The following ERP44 variants were observed in gnomAD, a reference collection of about 807,000 sequenced individuals.
ERP44 encodes the protein endoplasmic reticulum protein 44.
A neutral mutation model predicts 53.4 loss-of-function variants in ERP44; 25 were observed. The observed-to-expected ratio is 0.47, with a 90% CI of 0.34 to 0.65. The LOEUF is 0.65. ERP44 is among the 30% of genes least tolerant of loss of function. ERP44 has a pLI of 0.01. For synonymous variants in ERP44, 145 were observed against 161.2 expected (o/e 0.90, Z 0.76); for missense variants, 338 against 493.2 (o/e 0.69, Z 2.98).
chr9:100,089,390 A>G (rs1826523112), intron 1 of ERP44, among the ~76,000 whole-genome samples: 1 of 152,060 alleles, frequency 6.6e-6, no homozygotes, highest in Non-Finnish European at 1.5e-5. Flanking sequence ...AGACCAGCCA[A>G]GCCAGCATGG....
chr9:100,037,753 C>T (rs1235889678), intron 4 of ERP44, among the ~76,000 whole-genome samples: 1 of 152,076 alleles, frequency 6.6e-6, no homozygotes, highest in African/African-American at 2.4e-5. Flanking sequence ...TGGAAGGGAA[C>T]CTGCTGCTTT....
chr9:100,064,759 T>C (rs1564101349), intron 1 of ERP44, among the ~76,000 whole-genome samples: 1 of 152,204 alleles, frequency 6.6e-6, no homozygotes, highest in African/African-American at 2.4e-5. Context: ...GTCTTGATAA[T>C]CCTGACCCTG....
At chr9:100,089,431 A>G (rs1826523689) in intron 1 of ERP44, among the ~76,000 whole-genome samples, 1 of 152,056 alleles carries the variant, frequency 6.6e-6, no homozygotes, top group Non-Finnish European at 1.5e-5. Flanking sequence ...AAATACAAAA[A>G]TTAGCTGGGT....
At chr9:100,039,288 A>T (rs1825877677) in intron 4 of ERP44, among the ~76,000 whole-genome samples, 1 of 152,208 alleles carries the variant, frequency 6.6e-6, no homozygotes, top group African/African-American at 2.4e-5. Flanking sequence ...ATGTTAGGTT[A>T]CAAAACAAGT....
intron 1 of ERP44, among the ~76,000 whole-genome samples, chr9:100,081,162 T>A (rs947459503): frequency 1.3e-5 from 2 of 152,054 alleles, no homozygotes; most frequent in Non-Finnish European, 2.9e-5. Flanking sequence ...AACCCAACTC[T>A]ATTCTGAAAA....
At chr9:99,987,394 A>C (rs1830205784) in intron 10 of ERP44, among the ~76,000 whole-genome samples, 1 of 152,244 alleles carries the variant, frequency 6.6e-6, no homozygotes, top group Non-Finnish European at 1.5e-5. Context: ...TTCTAATTAG[A>C]ACACCTAAGT....
intron 1 of ERP44, among the ~76,000 whole-genome samples, chr9:100,080,288 C>T (rs955826046): frequency 6.6e-6 from 1 of 152,188 alleles, no homozygotes; most frequent in Non-Finnish European, 1.5e-5. Flanking sequence ...TAAAGTAATG[C>T]CGCTAGAAGG....
chr9:100,088,141 C>T (rs940392412), intron 1 of ERP44, among the ~76,000 whole-genome samples: 1 of 152,112 alleles, frequency 6.6e-6, no homozygotes, highest in African/African-American at 2.4e-5. Context: ...GAAGTTCTTC[C>T]CTACTGAGTC....
At chr9:100,056,871 G>A (rs1826092712) in intron 3 of ERP44, among the ~76,000 whole-genome samples, 1 of 152,132 alleles carries the variant, frequency 6.6e-6, no homozygotes, top group South Asian at 2.1e-4. Flanking sequence ...TTCATAAGGG[G>A]CCTTCTGGGT....
chr9:100,061,872 T>C (rs1051135340), intron 1 of ERP44, among the ~76,000 whole-genome samples: 3 of 152,168 alleles, frequency 2.0e-5, no homozygotes, highest in Non-Finnish European at 4.4e-5. Flanking sequence ...TTAGTTACTA[T>C]TGATGGGGTT....
intron 4 of ERP44, among the ~76,000 whole-genome samples, chr9:100,036,860 T>C (rs1297352458): frequency 6.8e-6 from 1 of 147,676 alleles, no homozygotes; most frequent in African/African-American, 2.5e-5. Flanking sequence ...GGAGGGGTAG[T>C]GGGGAGGGGA....
intron 1 of ERP44, among the ~76,000 whole-genome samples, chr9:100,068,812 G>A (rs1364470969): frequency 2.6e-5 from 4 of 152,194 alleles, no homozygotes; most frequent in South Asian, 2.1e-4. Flanking sequence ...CACTGAGAAC[G>A]GGCCATGATG....
intron 1 of ERP44, among the ~76,000 whole-genome samples, chr9:100,062,605 G>A (rs1280334498): frequency 1.3e-5 from 2 of 152,210 alleles, no homozygotes; most frequent in African/African-American, 4.8e-5. Context: ...ACGGCATGGT[G>A]TGCGCTACCT....
chr9:100,098,654 G>T, intron 1 of ERP44, 130 bp downstream of exon 1: 1 of 706,136 alleles, frequency 1.4e-6, no homozygotes. Flanking sequence ...GAGGGCAGCG[G>T]GGGAGGGTGC....
chr9:100,046,143 C>T (rs1440537595), intron 4 of ERP44, among the ~76,000 whole-genome samples: 1 of 151,898 alleles, frequency 6.6e-6, no homozygotes, highest in East Asian at 1.9e-4. Flanking sequence ...AGAGATCTCA[C>T]AAAAGATGAC....
At chr9:99,991,644 AG>A (rs1325182214) in intron 10 of ERP44, among the ~76,000 whole-genome samples, 1 of 152,218 alleles carries the variant, frequency 6.6e-6, no homozygotes, top group Non-Finnish European at 1.5e-5. Flanking sequence ...AGCTAGCAGA[AG>A]GCAAGAAATA....
chr9:100,025,326 A>G lies in ERP44; in HGVS notation c.287-3100T>C, dbSNP rs78290302. 8.3e-3 allele frequency among the ~76,000 whole-genome samples: 1,263 copies of G among 151,882 alleles called. 20 individuals are homozygous for G. The highest frequency in any genetic ancestry group is 0.029 in the African/African-American group (1,196 of 41,440). ...GGAATCCTGACAAGAAAATTATGAG[A>G]AAAAAAAAGTATTTGTTAATCTTAC... On this transcript the variant is annotated intron_variant, in intron 4 of 11. Coordinates refer to ENST00000262455, the MANE Select transcript of ERP44 (RefSeq NM_015051.3).
intron 1 of ERP44, among the ~76,000 whole-genome samples, chr9:100,081,977 AATATACAAAATT>A: frequency 6.6e-6 from 1 of 152,188 alleles, no homozygotes; most frequent in Non-Finnish European, 1.5e-5. Context: ...GTATAAGATT[AATATACAAAATT>A]AATAACATAC....
At chr9:100,079,986 G>A (rs928431097) in intron 1 of ERP44, among the ~76,000 whole-genome samples, 2 of 150,576 alleles carry the variant, frequency 1.3e-5, no homozygotes, top group African/African-American at 4.9e-5. Context: ...AGATTATTCA[G>A]TTATATATAA....
Sources: allele counts gnomAD v4.1 joint callset (sites outside exome capture counted in the v4.1 genomes callset), GRCh38; gene constraint gnomAD v4.1.1; transcripts MANE v1.5; gene names NCBI Gene and HGNC (gene_info 2026-07-23, HGNC 2026-07-21).